The following HRH1 variants were observed in gnomAD, a reference collection of about 807,000 sequenced individuals.
HRH1 encodes histamine receptor H1.
A neutral mutation model predicts 10.3 loss-of-function variants in HRH1; 6 were observed. The ratio of observed to expected loss-of-function variants is 0.58; its 90% confidence interval spans 0.32 to 1.15. The LOEUF (loss-of-function observed/expected upper bound fraction) is 1.15. Ranked by LOEUF, HRH1 falls within the 50% of genes most tolerant of loss-of-function variation. The pLI is 0.05. For synonymous variants in HRH1, 242 were observed against 236.7 expected, an observed-to-expected ratio of 1.02 and a Z score of -0.21; for missense variants, 514 against 615.3, an observed-to-expected ratio of 0.84 and a Z score of 1.74.
At chr3:11,233,767 G>A (rs936242078) in intron 1 of HRH1, among the ~76,000 whole-genome samples, 1 of 152,218 alleles carries the variant, frequency 6.6e-6, no homozygotes, top group Middle Eastern at 3.2e-3. Context: ...GTCAGGATGG[G>A]TTTGCAGAAA....
At chr3:11,207,346 C>T (rs55669497) in intron 1 of HRH1, among the ~76,000 whole-genome samples, 11,361 of 151,886 alleles carry the variant, frequency 0.075, 844 homozygotes, top group African/African-American at 0.19. Flanking sequence ...GGGTGGATCA[C>T]GAGGTCAGGA....
At chr3:11,234,324 G>C in intron 1 of HRH1, 3 of 1,580,140 alleles carry the variant, frequency 1.9e-6, no homozygotes, top group East Asian at 2.2e-5. Context: ...TGTTCTGCTG[G>C]CTTCTTCTCT....
chr3:11,218,783 C>A (rs986614584), intron 1 of HRH1, among the ~76,000 whole-genome samples: 1 of 152,168 alleles, frequency 6.6e-6, no homozygotes, highest in Non-Finnish European at 1.5e-5. Context: ...ACCATGTTGC[C>A]CAGGCTGGTC....
At chr3:11,169,424 G>A (rs1383919971) in intron 1 of HRH1, among the ~76,000 whole-genome samples, 1 of 152,148 alleles carries the variant, frequency 6.6e-6, no homozygotes, top group Admixed American at 6.5e-5. Context: ...GGAGAGGTCT[G>A]GAGGAGTGAG....
intron 1 of HRH1, among the ~76,000 whole-genome samples, chr3:11,184,018 A>C (rs781166424): frequency 1.3e-5 from 2 of 152,000 alleles, no homozygotes; most frequent in Non-Finnish European, 2.9e-5. Flanking sequence ...TCCTAAGGTC[A>C]GGCATTGTGT....
At chr3:11,219,376 T>C (rs528497745) in intron 1 of HRH1, among the ~76,000 whole-genome samples, 2 of 152,140 alleles carry the variant, frequency 1.3e-5, no homozygotes, top group African/African-American at 4.8e-5. Context: ...GCATGTAAAA[T>C]GGTTAAAGTG....
At chr3:11,207,604 G>A (rs904412302) in intron 1 of HRH1, among the ~76,000 whole-genome samples, 1 of 152,108 alleles carries the variant, frequency 6.6e-6, no homozygotes, top group African/African-American at 2.4e-5. Context: ...CTGAACTGGA[G>A]CGTGAGGTCC....
chr3:11,169,449 C>G (rs1190615049), intron 1 of HRH1, among the ~76,000 whole-genome samples: 1 of 152,106 alleles, frequency 6.6e-6, no homozygotes, highest in Admixed American at 6.5e-5. Context: ...GACCATCATT[C>G]CATTGCTCAC....
rs202025055 is a variant in HRH1, at chr3:11,259,999, A to G, written c.962A>G (p.Tyr321Cys). 23 of 1,614,178 alleles carry G rather than the reference A, an allele frequency of 1.4e-5. No homozygotes were observed. The South Asian group carries it at 2.4e-4, about 17-fold the overall frequency. ...QAAAEGSSRD[Y>C]VAVNRSHGQL... is the part of the protein sequence containing the mutation. Reference sequence around the variant, plus strand: ...GCGGCAGAGGGGAGTAGCAGGGACTATGTAGCCGTCAACCGGAGCCATGGC... The same window carrying G: ...GCGGCAGAGGGGAGTAGCAGGGACTGTGTAGCCGTCAACCGGAGCCATGGC... The change falls in exon 2 of 2, where the codon TAT (tyrosine) becomes TGT (cysteine). Residue 321 changes from tyrosine to cysteine, a missense_variant. By Grantham distance (194) the Tyr-to-Cys change is radical. Transcript: ENST00000431010. The surrounding 1 kb of genome is among the most constrained non-coding windows in gnomAD (Gnocchi z 4.6).
chr3:11,224,234 CAG>C (rs775490932), intron 1 of HRH1, among the ~76,000 whole-genome samples: 19 of 152,166 alleles, frequency 1.2e-4, no homozygotes, highest in East Asian at 3.9e-4. Context: ...TCCAGCCAAA[CAG>C]GGGAGAGAAA....
chr3:11,245,469 G>A (rs347587), intron 1 of HRH1, among the ~76,000 whole-genome samples: 83,313 of 152,112 alleles, frequency 0.55, 24,146 homozygotes, highest in East Asian at 0.7. Context: ...AGCTTGAGCT[G>A]ACCATTTCCT....
chr3:11,242,055 G>A (rs868666475), intron 1 of HRH1, among the ~76,000 whole-genome samples: 1 of 152,086 alleles, frequency 6.6e-6, no homozygotes, highest in African/African-American at 2.4e-5. Flanking sequence ...GACAAATACG[G>A]GAATAAAAGC....
chr3:11,241,191 G>A (rs188235034), intron 1 of HRH1, among the ~76,000 whole-genome samples: 27 of 152,212 alleles, frequency 1.8e-4, no homozygotes, highest in Admixed American at 3.9e-4. Flanking sequence ...AGTACCCAGA[G>A]AAAACCATGG....
chr3:11,199,713 C>T (rs1937826749), intron 1 of HRH1, among the ~76,000 whole-genome samples: 1 of 152,184 alleles, frequency 6.6e-6, no homozygotes, highest in Non-Finnish European at 1.5e-5. Context: ...GCATATTTGT[C>T]GCCTGCTGTT....
intron 1 of HRH1, among the ~76,000 whole-genome samples, chr3:11,236,525 C>T (rs347617): frequency 0.56 from 85,236 of 152,102 alleles, 24,954 homozygotes; most frequent in East Asian, 0.66. Context: ...TGTGTTCATC[C>T]GGTGGCTATC....
chr3:11,209,207 T>A (rs182427283), intron 1 of HRH1, among the ~76,000 whole-genome samples: 1 of 152,346 alleles, frequency 6.6e-6, no homozygotes, highest in East Asian at 1.9e-4. Flanking sequence ...TCCTCCCACC[T>A]TAGCCTCCCA....
chr3:11,174,449 A>G (rs1273732471), intron 1 of HRH1, among the ~76,000 whole-genome samples: 1 of 152,194 alleles, frequency 6.6e-6, no homozygotes, highest in African/African-American at 2.4e-5. Flanking sequence ...GGCGTGGCTC[A>G]AAGTCTTTCT....
intron 1 of HRH1, among the ~76,000 whole-genome samples, chr3:11,236,153 G>A (rs551925582): frequency 6.6e-6 from 1 of 152,314 alleles, no homozygotes; most frequent in South Asian, 2.1e-4. Context: ...ATCTCAATAT[G>A]TTTTAAAAGC....
intron 1 of HRH1, among the ~76,000 whole-genome samples, chr3:11,223,061 T>A (rs934554494): frequency 6.6e-6 from 1 of 151,586 alleles, no homozygotes; most frequent in African/African-American, 2.4e-5. Context: ...GGCGCGTGCC[T>A]GTAGTCCCAG....
Sources: gnomAD v4.1 joint callset for allele counts (sites outside exome capture counted in the v4.1 genomes callset) on GRCh38, gnomAD v4.1.1 for gene constraint, Gnocchi (gnomAD v3.1) non-coding constraint, MANE v1.5 for transcripts, NCBI Gene and HGNC (gene_info 2026-07-23, HGNC 2026-07-21) for gene names.